BCAR3: variants seen among roughly 807,000 people sequenced by gnomAD.
BCAR3 encodes breast cancer anti-estrogen resistance protein 3.
Under a neutral mutation model 80.1 loss-of-function variants are expected in BCAR3, and 37 were observed. That is an observed-to-expected ratio of 0.46 (90% CI 0.36 to 0.61). The LOEUF (loss-of-function observed/expected upper bound fraction) is 0.61. Among genes scored for constraint, BCAR3 ranks in the 20% least tolerant of loss-of-function variants. BCAR3 has a pLI of 0.00. For synonymous variants in BCAR3, 389 were observed against 418.9 expected, an observed-to-expected ratio of 0.93 and a Z score of 0.87; for missense variants, 978 against 1,068.2, an observed-to-expected ratio of 0.92 and a Z score of 1.18.
intron 3 of BCAR3, among the ~76,000 whole-genome samples, chr1:93,637,238 C>G (rs1046120536): frequency 6.6e-6 from 1 of 151,818 alleles, no homozygotes; most frequent in Non-Finnish European, 1.5e-5. Flanking sequence ...GGCCCAATCT[C>G]GGCTCACTGC....
intron 2 of BCAR3, among the ~76,000 whole-genome samples, chr1:93,645,721 C>T (rs919434714): frequency 6.7e-6 from 1 of 150,374 alleles, no homozygotes; most frequent in Non-Finnish European, 1.5e-5. Flanking sequence ...TTATGATATG[C>T]ATATATTATA....
intron 3 of BCAR3, among the ~76,000 whole-genome samples, chr1:93,693,991 GTATTATTATCCC>G (rs1186619601): frequency 1.3e-5 from 2 of 152,322 alleles, no homozygotes; most frequent in East Asian, 3.9e-4. Context: ...TTTGAGGCAG[GTATTATTATCCC>G]TATTTTATAG....
chr1:93,696,632 T>G (rs1442826397), intron 3 of BCAR3, among the ~76,000 whole-genome samples: 1 of 152,178 alleles, frequency 6.6e-6, no homozygotes, highest in East Asian at 1.9e-4. Context: ...AAAGGCAAGC[T>G]TGATCCATCC....
chr1:93,757,010 G>A (rs1026524355), intron 2 of BCAR3, among the ~76,000 whole-genome samples: 30 of 152,300 alleles, frequency 2.0e-4, no homozygotes, highest in African/African-American at 7.0e-4. Context: ...AGGGAGGGGT[G>A]GGGAGGACCT....
At chr1:93,776,801 TAA>T (rs912296112) in intron 2 of BCAR3, among the ~76,000 whole-genome samples, 5 of 152,164 alleles carry the variant, frequency 3.3e-5, no homozygotes, top group African/African-American at 7.2e-5. Context: ...TGCCAGAAAA[TAA>T]AGTCTTATGT....
chr1:93,844,306 C>CAAAATA (rs911634920), intron 2 of BCAR3, among the ~76,000 whole-genome samples: 3 of 152,014 alleles, frequency 2.0e-5, no homozygotes, highest in South Asian at 2.1e-4. Flanking sequence ...GACTCTGTCT[C>CAAAATA]AAAATAAAAA....
Position 93,613,727 on chromosome 1 carries a change from G to C in BCAR3, c.358-21334C>G, listed in dbSNP as rs1675022240. 6 of 1,247,164 alleles carry C rather than the reference G, an allele frequency of 4.8e-6. No individual in the cohort carries two copies. In the East Asian group the frequency reaches 1.3e-4, roughly 26 times the overall value. The allele number at this position is 1,247,164 out of a possible 1,614,324, so 77.3% of individuals were successfully genotyped here. A position where few individuals can be genotyped will look rare whatever the true frequency, so the allele number is the denominator to read the frequency against. On this transcript the variant is annotated intron_variant, in intron 3 of 11. Transcript: ENST00000260502. ...CTTGAAGACCCATCAGTCAAAGAAA[G>C]CACCTCTGTTTTCACAATCAGCAAG...
Position 93,721,652 on chromosome 1 carries a change from C to T in BCAR3, c.-62-15510G>A, listed in dbSNP as rs7540562. 5.8e-3 allele frequency among the ~76,000 whole-genome samples: 884 copies of T among 152,272 alleles called. 10 individuals carry two copies. The highest frequency in any genetic ancestry group is 0.021 in the African/African-American group (852 of 41,540). On this transcript the variant is annotated intron_variant, in intron 2 of 13. Transcript: ENST00000370244. Reference sequence around the variant, plus strand: ...TCTATCTGTGCTCCAAGAAGGAGAACGACCCCTCACCAAGCCCATTCTCGT... The same window carrying T: ...TCTATCTGTGCTCCAAGAAGGAGAATGACCCCTCACCAAGCCCATTCTCGT...
intron 2 of BCAR3, among the ~76,000 whole-genome samples, chr1:93,663,143 T>C (rs181906386): frequency 4.6e-5 from 7 of 152,318 alleles, no homozygotes; most frequent in African/African-American, 7.2e-5. Flanking sequence ...CATTTCTTGA[T>C]GGAAAAAAAT....
rs1363598025 is a variant in BCAR3 at position 93,589,419 on chromosome 1, C to A, written c.487G>T (p.Val163Leu). ...AWYHGRIPRQ[V>L]SENLVQRDGD... ...TCTCGCTGCACAAGGTTTTCAGACA[C>A]CTTTGGGACAAAAAGGTGAGTGAGG... Residue 163 changes from valine to leucine, a missense_variant and splice_region_variant, in exon 5 of 12, where the codon GTG (valine) becomes TTG (leucine). Val to Leu is a conservative substitution (Grantham distance 32). Coordinates refer to ENST00000260502, the MANE Select transcript of BCAR3 (RefSeq NM_003567.4). The A allele has an allele frequency of 1.2e-6, 2 of 1,606,542 alleles. No homozygotes were observed. Among genetic ancestry groups the A allele is most frequent in the South Asian group, 1.1e-5 (1 of 90,746 alleles).
intron 2 of BCAR3, among the ~76,000 whole-genome samples, chr1:93,775,732 A>G (rs1316159085): frequency 1.3e-5 from 2 of 152,156 alleles, no homozygotes; most frequent in Non-Finnish European, 2.9e-5. Flanking sequence ...TGTCTCTAAG[A>G]TATATTGCTG....
chr1:93,628,011 G>A (rs951728258), intron 3 of BCAR3, among the ~76,000 whole-genome samples: 3 of 151,888 alleles, frequency 2.0e-5, no homozygotes, highest in Admixed American at 6.6e-5. Flanking sequence ...TGTAAGAAAC[G>A]ACAAATAAAA....
At position 93,589,429 on chromosome 1, in the gene BCAR3, A is replaced by G. The variant is rs1484776689; in HGVS notation, c.487-10T>C. The G allele has an allele frequency of 6.2e-7, 1 of 1,601,976 alleles. No individual in the cohort carries two copies. The highest frequency in any genetic ancestry group is 1.1e-5 in the South Asian group (1 of 90,432). ...CAAGGTTTTCAGACACCTTTGGGACAAAAAGGTGAGTGAGGAGTAGGAAAG... is the reference window on the plus strand; with the variant it reads ...CAAGGTTTTCAGACACCTTTGGGACGAAAAGGTGAGTGAGGAGTAGGAAAG... On this transcript the variant is annotated splice_polypyrimidine_tract_variant and intron_variant, in intron 4 of 11. Transcript: ENST00000260502.
chr1:93,630,962 G>A (rs575899321), intron 3 of BCAR3, among the ~76,000 whole-genome samples: 1 of 152,342 alleles, frequency 6.6e-6, no homozygotes, highest in South Asian at 2.1e-4. Context: ...CTCTGGATTT[G>A]TATTAGTTTC....
chr1:93,796,794 A>T (rs1653291070), intron 2 of BCAR3, among the ~76,000 whole-genome samples: 1 of 152,212 alleles, frequency 6.6e-6, no homozygotes, highest in Non-Finnish European at 1.5e-5. Context: ...TCAGGATTCC[A>T]GATGTTCTGG....
At chr1:93,668,903 G>A (rs1259050369) in intron 2 of BCAR3, among the ~76,000 whole-genome samples, 2 of 151,960 alleles carry the variant, frequency 1.3e-5, no homozygotes, top group Non-Finnish European at 2.9e-5. Flanking sequence ...GTAGAGACAG[G>A]GTTTCACCAT....
At chr1:93,629,552 T>TGAATA (rs1264855978) in intron 3 of BCAR3, among the ~76,000 whole-genome samples, 62 of 152,362 alleles carry the variant, frequency 4.1e-4, no homozygotes, top group African/African-American at 1.3e-3. Context: ...TTTCTGAAGT[T>TGAATA]GAATACAAGT....
chr1:93,709,767 GA>G (rs1268216646), intron 2 of BCAR3, among the ~76,000 whole-genome samples: 1 of 152,094 alleles, frequency 6.6e-6, no homozygotes, highest in Non-Finnish European at 1.5e-5. Context: ...TGTAGATTGG[GA>G]AAAAAGTCTT....
intron 2 of BCAR3, among the ~76,000 whole-genome samples, chr1:93,772,145 G>A (rs1166329343): frequency 6.6e-6 from 1 of 152,196 alleles, no homozygotes; most frequent in East Asian, 1.9e-4. Flanking sequence ...ACGTCAGCAG[G>A]GGCCAAATCA....
Sources: allele counts gnomAD v4.1 joint callset (sites outside exome capture counted in the v4.1 genomes callset), GRCh38; gene constraint gnomAD v4.1.1; transcripts MANE v1.5; gene names NCBI Gene and HGNC (gene_info 2026-07-23, HGNC 2026-07-21).